The following MYO18B variants were observed in gnomAD, a reference collection of about 807,000 sequenced individuals.
MYO18B encodes myosin XVIIIB, also known as unconventional myosin-XVIIIb.
A neutral mutation model predicts 273.0 loss-of-function variants in MYO18B; 204 were observed. The observed-to-expected ratio is 0.75, with a 90% CI of 0.67 to 0.84. The LOEUF is 0.84. Ranked by LOEUF, MYO18B falls within the 40% of genes least tolerant of loss-of-function variation. The probability of loss-of-function intolerance (pLI) is 0.00; values close to 1 mark genes in which losing one functional copy is unlikely to be tolerated. For missense variants in MYO18B, 3,212 were observed against 3,287.6 expected (o/e 0.98, Z 0.56); for synonymous variants, 1,330 against 1,305.7 (o/e 1.02, Z -0.40).
intron 38 of MYO18B, chr22:25,953,608 G>T (rs1161086705): frequency 6.6e-6 from 1 of 152,160 alleles, no homozygotes; most frequent in Non-Finnish European, 1.5e-5. Flanking sequence ...AATTGCTCAA[G>T]GGATCCCTCA....
At chr22:26,037,162 G>T in the MYO18B span, among the ~76,000 whole-genome samples, 1 of 152,128 alleles carries the variant, frequency 6.6e-6, no homozygotes, top group Non-Finnish European at 1.5e-5. Context: ...GCTCCATCTG[G>T]GAGGCAACGG....
chr22:25,954,369 G>A (rs933022352), intron 38 of MYO18B, among the ~76,000 whole-genome samples: 1 of 152,036 alleles, frequency 6.6e-6, no homozygotes, highest in Non-Finnish European at 1.5e-5. Context: ...CACATGTGGG[G>A]GAAAGGTTTT....
Position 26,020,997 on chromosome 22 carries a change from G to A in MYO18B, c.6471-5448G>A, listed in dbSNP as rs549031730. On this transcript the variant is annotated intron_variant, in intron 42 of 43. Coordinates refer to ENST00000335473, the MANE Select transcript of MYO18B (RefSeq NM_032608.7). Reference sequence around the variant, plus strand: ...CCAGCTACTCGGGAGGCGGAGGCAAGAGAATCACTCGAACCCTGGAGGCAG... The same window carrying A: ...CCAGCTACTCGGGAGGCGGAGGCAAAAGAATCACTCGAACCCTGGAGGCAG... 3.9e-5 allele frequency among the ~76,000 whole-genome samples: 6 copies of A among 152,326 alleles called. No homozygotes were observed. In the South Asian group the frequency reaches 1.2e-3, roughly 32 times the overall value.
the MYO18B span, among the ~76,000 whole-genome samples, chr22:26,044,819 G>A: frequency 6.6e-6 from 1 of 152,188 alleles, no homozygotes. Context: ...GGAAGGCTGG[G>A]TACAATGCAA....
intron 39 of MYO18B, among the ~76,000 whole-genome samples, chr22:25,968,500 AT>A (rs1018732730): frequency 2.0e-5 from 3 of 151,770 alleles, no homozygotes; most frequent in African/African-American, 7.3e-5. Flanking sequence ...TCTAGGTTTT[AT>A]CTTCTCTGCT....
chr22:26,027,295 T>C lies in MYO18B; in HGVS notation c.7321T>C (p.Phe2441Leu). 3 of 1,614,018 alleles carry C rather than the reference T, an allele frequency of 1.9e-6. No individual in the cohort carries two copies. Among genetic ancestry groups the C allele is most frequent in the Non-Finnish European group, 2.5e-6 (3 of 1,179,888 alleles). The change falls in exon 43 of 44, where the codon TTC becomes CTC. Residue 2441 changes from phenylalanine (F) to leucine (L), a missense_variant. Physicochemically the swap from Phe to Leu is conservative, Grantham distance 22. Coordinates refer to ENST00000335473, the MANE Select transcript of MYO18B (RefSeq NM_032608.7). This position sits in a 1 kb window ranked among gnomAD's most constrained non-coding sequence, Gnocchi z 4.1. ...LDYERKTKVD[F>L]DDFLPAIRKP... ...CTACGAACGCAAGACCAAAGTGGACTTCGATGACTTCCTCCCAGCTATCCG... is the reference window on the plus strand; with the variant it reads ...CTACGAACGCAAGACCAAAGTGGACCTCGATGACTTCCTCCCAGCTATCCG...
At chr22:25,763,084 A>T in intron 2 of MYO18B, 147 bp from the exon 3 acceptor site, 1 of 916,158 alleles carries the variant, frequency 1.1e-6, no homozygotes, top group Non-Finnish European at 1.8e-6. Flanking sequence ...GCTGGGCCTC[A>T]CCTGCTTGGC....
At chr22:25,867,932 A>G (rs907275285) in intron 21 of MYO18B, among the ~76,000 whole-genome samples, 1 of 152,116 alleles carries the variant, frequency 6.6e-6, no homozygotes, top group Non-Finnish European at 1.5e-5. Flanking sequence ...CGCCCGGCCA[A>G]GACTCTGATT....
chr22:25,784,036 C>T (rs2087274283), intron 10 of MYO18B, among the ~76,000 whole-genome samples: 1 of 152,242 alleles, frequency 6.6e-6, no homozygotes, highest in Admixed American at 6.5e-5. Flanking sequence ...AACTCCTATT[C>T]ATCCTTCAAA....
chr22:25,847,437 T>C lies in MYO18B; in HGVS notation c.3560T>C (p.Leu1187Pro). 1 of 1,567,674 alleles carries C rather than the reference T, an allele frequency of 6.4e-7. No homozygotes were observed. Residue 1187 changes from leucine (L) to proline (P), a missense_variant, in exon 20 of 44, where the codon CTG becomes CCG. Physicochemically the swap from Leu to Pro is moderately conservative, Grantham distance 98. Coordinates refer to ENST00000335473, the MANE Select transcript of MYO18B (RefSeq NM_032608.7). ...CSQIKLQMDA[L>P]TSMIKRSRLH... ...TCCCTCTATTTGGTCTAGGATGCGC[T>C]GACCAGCATGATCAAAAGGTCCCGG...
At chr22:25,976,403 A>C (rs1053876334) in intron 39 of MYO18B, among the ~76,000 whole-genome samples, 1 of 152,198 alleles carries the variant, frequency 6.6e-6, no homozygotes, top group Non-Finnish European at 1.5e-5. Context: ...AGCTGTAGCT[A>C]CCAAAAAAGT....
intron 14 of MYO18B, among the ~76,000 whole-genome samples, chr22:25,827,434 G>T (rs1314566915): frequency 6.6e-6 from 1 of 152,202 alleles, no homozygotes; most frequent in Admixed American, 6.5e-5. Flanking sequence ...GGCACCAGGA[G>T]CCTCTGTTTT....
intron 1 of MYO18B, among the ~76,000 whole-genome samples, chr22:25,760,037 C>T (rs988796681): frequency 2.0e-5 from 3 of 152,156 alleles, no homozygotes; most frequent in African/African-American, 7.2e-5. Context: ...GCTACAGTTT[C>T]CTGCCCTTAC....
At chr22:25,825,853 G>A (rs2089470419) in intron 13 of MYO18B, among the ~76,000 whole-genome samples, 1 of 152,128 alleles carries the variant, frequency 6.6e-6, no homozygotes, top group Admixed American at 6.5e-5. Context: ...TTAGGTCCCA[G>A]TATACGAACA....
At chr22:25,761,493 G>A (rs894383643) in intron 2 of MYO18B, among the ~76,000 whole-genome samples, 1 of 152,202 alleles carries the variant, frequency 6.6e-6, no homozygotes, top group Non-Finnish European at 1.5e-5. Context: ...GGGGACAGAG[G>A]CAGGGCTGTC....
chr22:25,856,863 G>T (rs965340378), intron 21 of MYO18B, among the ~76,000 whole-genome samples: 8 of 152,158 alleles, frequency 5.3e-5, no homozygotes, highest in African/African-American at 1.9e-4. Flanking sequence ...GTTTCAGCAG[G>T]GGCGTGGCAT....
At chr22:25,927,281 C>A (rs898475206) in intron 34 of MYO18B, among the ~76,000 whole-genome samples, 2 of 152,116 alleles carry the variant, frequency 1.3e-5, no homozygotes, top group East Asian at 1.9e-4. Flanking sequence ...GGAGAAATAT[C>A]GCTGAATTCT....
intron 12 of MYO18B, among the ~76,000 whole-genome samples, chr22:25,803,967 AACACACACACACAC>A (rs151023852): frequency 1.8e-4 from 25 of 136,960 alleles, no homozygotes; most frequent in Admixed American, 2.2e-4. Flanking sequence ...TGACCCAGTG[AACACACACACACAC>A]ACACACACAC....
At chr22:25,978,271 T>C (rs1296008061) in intron 39 of MYO18B, among the ~76,000 whole-genome samples, 1 of 152,022 alleles carries the variant, frequency 6.6e-6, no homozygotes, top group Non-Finnish European at 1.5e-5. Flanking sequence ...CAGGAGGTGA[T>C]TATGGAATGG....
Sources: gnomAD v4.1 joint callset for allele counts (sites outside exome capture counted in the v4.1 genomes callset) on GRCh38, gnomAD v4.1.1 for gene constraint, Gnocchi (gnomAD v3.1) non-coding constraint, MANE v1.5 for transcripts, NCBI Gene and HGNC (gene_info 2026-07-23, HGNC 2026-07-21) for gene names.